PCDH11X: variants seen among roughly 807,000 people sequenced by gnomAD.
The protein encoded by PCDH11X is protocadherin-11 X-linked.
PCDH11X carries 18 observed loss-of-function variants against 53.3 expected under a neutral mutation model. That is an observed-to-expected ratio of 0.34 (90% confidence interval 0.23 to 0.50). The LOEUF (loss-of-function observed/expected upper bound fraction) is 0.50, where lower values mean the gene tolerates loss of function less well. Ranked by LOEUF, PCDH11X falls within the 20% of genes least tolerant of loss-of-function variation. The pLI, the probability that PCDH11X is intolerant of heterozygous loss-of-function variation, is 0.98. For synonymous variants in PCDH11X, 279 were observed against 393.3 expected (o/e 0.71, Z 3.44); for missense variants, 570 against 1,032.4 (o/e 0.55, Z 6.14).
At chrX:92,191,301 A>G (rs1477126243) in intron 6 of PCDH11X, among the ~76,000 whole-genome samples, 1 of 111,574 alleles carries the variant, frequency 9.0e-6, no homozygotes, top group African/African-American at 3.2e-5. Context: ...TCCTAATTAT[A>G]TTTGTTTTAT....
At chrX:91,989,047 G>T (rs1326977728) in intron 6 of PCDH11X, among the ~76,000 whole-genome samples, 3 of 110,848 alleles carry the variant, frequency 2.7e-5, no homozygotes, top group Admixed American at 1.9e-4. Flanking sequence ...GCTACTAGGG[G>T]TTAGGCAGGT....
At chrX:92,213,140 C>A (rs982470489) in intron 7 of PCDH11X, among the ~76,000 whole-genome samples, 2 of 111,821 alleles carry the variant, frequency 1.8e-5, no homozygotes, top group Non-Finnish European at 3.8e-5. Flanking sequence ...AATCAACATA[C>A]CCTGATGTGA....
At chrX:91,996,248 G>A (rs2062421391) in intron 6 of PCDH11X, among the ~76,000 whole-genome samples, 1 of 101,109 alleles carries the variant, frequency 9.9e-6, no homozygotes, top group Non-Finnish European at 2.0e-5. Flanking sequence ...CCAGGTTCAA[G>A]CGATGATTCT....
intron 6 of PCDH11X, among the ~76,000 whole-genome samples, chrX:92,026,261 G>A (rs1177398344): frequency 3.6e-5 from 4 of 110,918 alleles, no homozygotes; most frequent in Non-Finnish European, 5.7e-5. Flanking sequence ...TGAAATTTCA[G>A]TGTCCATAAA....
At chrX:92,319,387 G>A (rs187994857) in intron 8 of PCDH11X, among the ~76,000 whole-genome samples, 46 of 112,119 alleles carry the variant, frequency 4.1e-4, no homozygotes, top group Admixed American at 2.9e-3. Flanking sequence ...TTGAACTTAA[G>A]GTTTTAGACA....
intron 6 of PCDH11X, among the ~76,000 whole-genome samples, chrX:91,978,213 C>T (rs1199010160): frequency 9.1e-6 from 1 of 109,688 alleles, no homozygotes; most frequent in Non-Finnish European, 1.9e-5. Flanking sequence ...TACCTAGTCC[C>T]GTTAGCCTGA....
chrX:92,304,939 C>T (rs2068794237), intron 8 of PCDH11X, among the ~76,000 whole-genome samples: 1 of 105,366 alleles, frequency 9.5e-6, no homozygotes, highest in African/African-American at 3.4e-5. Context: ...CTTAAGTTAG[C>T]CATGATTGCA....
chrX:92,259,008 C>G (rs1351112665), intron 7 of PCDH11X, among the ~76,000 whole-genome samples: 1 of 110,712 alleles, frequency 9.0e-6, no homozygotes, highest in Non-Finnish European at 1.9e-5. Flanking sequence ...AACCTTTGCT[C>G]CAGATCTCAA....
Position 92,621,926 on chromosome X carries a change from TTTTC to T in PCDH11X, c.*2988_*2991del, listed in dbSNP as rs1928536400. 9.2e-6 allele frequency: 1 copy of T among 108,127 alleles called. No homozygotes were observed. Among genetic ancestry groups the T allele is most frequent in the South Asian group, 4.1e-4 (1 of 2,467 alleles). 8.9% of individuals were successfully genotyped at this position (108,127 alleles called of 1,213,427 possible). A position where few individuals can be genotyped will look rare whatever the true frequency, so the allele number is the denominator to read the frequency against. On this transcript the variant is annotated 3_prime_UTR_variant, in exon 11 of 11. Transcript: ENST00000682573. ...TATTCCATTAGATTGTGATTATTAA[TTTTC>T]TAGCTATGGTATTACTATATCACAC...
intron 6 of PCDH11X, among the ~76,000 whole-genome samples, chrX:92,089,206 GAC>G (rs947737010): frequency 1.8e-5 from 2 of 110,035 alleles, no homozygotes; most frequent in African/African-American, 6.6e-5. Flanking sequence ...TAATATAGAA[GAC>G]ACATGTTTTA....
chrX:91,904,611 C>G (rs1186022330), intron 6 of PCDH11X, among the ~76,000 whole-genome samples: 2 of 110,927 alleles, frequency 1.8e-5, no homozygotes, highest in African/African-American at 6.5e-5. Context: ...CCTACCAACT[C>G]AATGATAATA....
At chrX:92,552,503 T>G (rs1456476604) in intron 10 of PCDH11X, among the ~76,000 whole-genome samples, 1 of 105,414 alleles carries the variant, frequency 9.5e-6, no homozygotes, top group African/African-American at 3.4e-5. Context: ...TTGATTTCTT[T>G]CACTCCAGTT....
At chrX:92,079,889 G>A (rs748505064) in intron 6 of PCDH11X, among the ~76,000 whole-genome samples, 2 of 111,971 alleles carry the variant, frequency 1.8e-5, no homozygotes, top group South Asian at 7.4e-4. Context: ...GCAGAATAAT[G>A]CCCCTTCCCC....
intron 1 of PCDH11X, among the ~76,000 whole-genome samples, chrX:91,793,950 A>C (rs1602833011): frequency 1.8e-5 from 2 of 112,154 alleles, no homozygotes; most frequent in African/African-American, 6.5e-5. Flanking sequence ...GAAGAACTAG[A>C]TTATTAGAAA....
chrX:92,113,980 C>G, intron 6 of PCDH11X: 1 of 1,208,701 alleles, frequency 8.3e-7, no homozygotes, highest in Non-Finnish European at 1.1e-6. Flanking sequence ...ATCAAACACA[C>G]AGCTAGGGGT....
At chrX:92,399,974 A>C (rs1156363626) in intron 9 of PCDH11X, among the ~76,000 whole-genome samples, 1 of 103,947 alleles carries the variant, frequency 9.6e-6, no homozygotes, top group Non-Finnish European at 1.9e-5. Flanking sequence ...GATGGTTTCG[A>C]TCTCCTGACC....
At chrX:92,099,192 T>G (rs2558153) in intron 6 of PCDH11X, among the ~76,000 whole-genome samples, 28,620 of 106,605 alleles carry the variant, frequency 0.27, 5,226 homozygotes, top group African/African-American at 0.59. Flanking sequence ...TATGTGCTTT[T>G]TGTTGTTAAT....
chrX:92,272,278 C>T (rs747516641), intron 8 of PCDH11X, among the ~76,000 whole-genome samples: 48 of 111,642 alleles, frequency 4.3e-4, no homozygotes, highest in Non-Finnish European at 7.9e-4. Context: ...TTTGTAACCC[C>T]TAAGTTAGAT....
intron 10 of PCDH11X, among the ~76,000 whole-genome samples, chrX:92,543,862 A>G (rs2074800769): frequency 9.1e-6 from 1 of 109,573 alleles, no homozygotes; most frequent in Non-Finnish European, 1.9e-5. Context: ...GGAAGTCATC[A>G]AAAGCCAATC....
Sources: allele counts gnomAD v4.1 joint callset (sites outside exome capture counted in the v4.1 genomes callset), GRCh38; gene constraint gnomAD v4.1.1; transcripts MANE v1.5; gene names NCBI Gene and HGNC (gene_info 2026-07-23, HGNC 2026-07-21).